ZBTB20: variants seen among roughly 807,000 people sequenced by gnomAD.
The protein encoded by ZBTB20 is zinc finger and BTB domain-containing protein 20.
ZBTB20 carries 9 observed loss-of-function variants against 56.9 expected under a neutral mutation model. That is an observed-to-expected ratio of 0.16 (90% CI 0.10 to 0.28). ZBTB20 has a LOEUF of 0.28. Among genes scored for constraint, ZBTB20 ranks in the 10% least tolerant of loss-of-function variants. The probability of loss-of-function intolerance (pLI) is 1.00; values close to 1 mark genes in which losing one functional copy is unlikely to be tolerated. For missense variants in ZBTB20, 655 were observed against 1,003.0 expected (o/e 0.65, Z 4.69); for synonymous variants, 417 against 420.7 (o/e 0.99, Z 0.11).
chr3:115,051,461 C>T (rs906591247), intron 2 of ZBTB20, among the ~76,000 whole-genome samples: 4 of 151,988 alleles, frequency 2.6e-5, no homozygotes, highest in African/African-American at 9.7e-5. Context: ...CAAATTAAAG[C>T]TAATAGGGAC....
chr3:114,407,801 T>C (rs1019292738), intron 7 of ZBTB20, among the ~76,000 whole-genome samples: 1 of 152,106 alleles, frequency 6.6e-6, no homozygotes, highest in Non-Finnish European at 1.5e-5. Context: ...GGATAGGGAT[T>C]GTATCGAAAT....
intron 2 of ZBTB20, among the ~76,000 whole-genome samples, chr3:114,987,682 C>T (rs562919995): frequency 1.3e-5 from 2 of 152,236 alleles, no homozygotes; most frequent in South Asian, 4.1e-4. Flanking sequence ...AGCTTTCAAA[C>T]ACAGTCAAGC....
chr3:114,791,042 A>G (rs1211237352), intron 5 of ZBTB20, among the ~76,000 whole-genome samples: 1 of 152,120 alleles, frequency 6.6e-6, no homozygotes, highest in Non-Finnish European at 1.5e-5. Context: ...ATTGTAATAT[A>G]TGATATTTAT....
chr3:114,615,573 A>G (rs1056260597), intron 6 of ZBTB20, among the ~76,000 whole-genome samples: 1 of 152,194 alleles, frequency 6.6e-6, no homozygotes, highest in Non-Finnish European at 1.5e-5. Context: ...GCAAAGAAAC[A>G]AGAACTCCTG....
At chr3:114,978,234 T>G (rs2078184992) in intron 2 of ZBTB20, among the ~76,000 whole-genome samples, 1 of 149,348 alleles carries the variant, frequency 6.7e-6, no homozygotes, top group Admixed American at 6.7e-5. Flanking sequence ...GGAATGCATT[T>G]ATAAATATAT....
chr3:115,022,463 T>C (rs2080245182), intron 2 of ZBTB20, among the ~76,000 whole-genome samples: 1 of 151,072 alleles, frequency 6.6e-6, no homozygotes, highest in Non-Finnish European at 1.5e-5. Context: ...TTTGAATATT[T>C]TCACTGACAA....
chr3:114,426,337 C>CAAAAAAAAAAAAAAA (rs60778829), intron 7 of ZBTB20, among the ~76,000 whole-genome samples: 1 of 109,546 alleles, frequency 9.1e-6, no homozygotes, highest in African/African-American at 4.3e-5. Flanking sequence ...GACTCCATCT[C>CAAAAAAAAAAAAAAA]AAAAAAAAAA....
At chr3:114,758,947 T>C (rs891949560) in intron 5 of ZBTB20, 6 of 152,150 alleles carry the variant, frequency 3.9e-5, no homozygotes, top group Non-Finnish European at 7.4e-5. Context: ...ATGTACTCTG[T>C]ACCGATGCAT....
intron 5 of ZBTB20, among the ~76,000 whole-genome samples, chr3:114,742,200 T>A (rs1018898746): frequency 6.6e-6 from 1 of 152,158 alleles, no homozygotes; most frequent in Admixed American, 6.5e-5. Context: ...AAGTTTTTAA[T>A]CTTGGTGGGA....
At chr3:114,906,251 A>G (rs1174110287) in intron 3 of ZBTB20, among the ~76,000 whole-genome samples, 2 of 151,844 alleles carry the variant, frequency 1.3e-5, no homozygotes, top group Non-Finnish European at 2.9e-5. Flanking sequence ...AGAGACTATA[A>G]AAGTAGGCAG....
At chr3:115,006,009 T>C (rs980737192) in intron 2 of ZBTB20, among the ~76,000 whole-genome samples, 1 of 151,730 alleles carries the variant, frequency 6.6e-6, no homozygotes, top group Admixed American at 6.6e-5. Context: ...AATGTTTTTT[T>C]TTTCTTTTTT....
At chr3:114,731,687 CTA>C in intron 5 of ZBTB20, among the ~76,000 whole-genome samples, 2 of 151,926 alleles carry the variant, frequency 1.3e-5, no homozygotes, top group African/African-American at 4.8e-5. Context: ...CCAGCTGTAC[CTA>C]GATTAGTAAC....
intron 3 of ZBTB20, among the ~76,000 whole-genome samples, chr3:114,962,794 CTG>C (rs2077503467): frequency 6.6e-6 from 1 of 151,896 alleles, no homozygotes; most frequent in Non-Finnish European, 1.5e-5. Flanking sequence ...CTATTAATGA[CTG>C]AGAAAAAAAG....
intron 2 of ZBTB20, among the ~76,000 whole-genome samples, chr3:114,976,061 T>C (rs971295464): frequency 9.2e-5 from 14 of 152,232 alleles, no homozygotes; most frequent in Non-Finnish European, 1.9e-4. Context: ...CAAATTAAAT[T>C]GTCATTCTGC....
chr3:114,416,815 C>CT (rs1470469474), intron 7 of ZBTB20, among the ~76,000 whole-genome samples: 2 of 152,014 alleles, frequency 1.3e-5, no homozygotes, highest in African/African-American at 4.8e-5. Flanking sequence ...ATGTGGTTTA[C>CT]TTCCAAATTT....
At chr3:114,613,062 C>T (rs566964992) in intron 6 of ZBTB20, among the ~76,000 whole-genome samples, 1 of 152,270 alleles carries the variant, frequency 6.6e-6, no homozygotes, top group Non-Finnish European at 1.5e-5. Context: ...GATTAAAGCT[C>T]TAATTCCAAA....
intron 4 of ZBTB20, among the ~76,000 whole-genome samples, chr3:114,891,775 G>C (rs1265528981): frequency 6.6e-6 from 1 of 152,160 alleles, no homozygotes; most frequent in Non-Finnish European, 1.5e-5. Flanking sequence ...AGCCAGGCGT[G>C]GTGGCTCATG....
chr3:114,928,310 G>T (rs891647557), intron 3 of ZBTB20, among the ~76,000 whole-genome samples: 1 of 150,892 alleles, frequency 6.6e-6, no homozygotes, highest in African/African-American at 2.4e-5. Flanking sequence ...CAGCCTCAAG[G>T]TTCTTCAATG....
chr3:114,588,656 A>AT (rs1166553059), intron 6 of ZBTB20, among the ~76,000 whole-genome samples: 2 of 152,156 alleles, frequency 1.3e-5, no homozygotes, highest in Non-Finnish European at 2.9e-5. Context: ...GGGCAAAAAT[A>AT]TGGTAAAGAA....
Sources: gnomAD v4.1 joint callset for allele counts (sites outside exome capture counted in the v4.1 genomes callset) on GRCh38, gnomAD v4.1.1 for gene constraint, MANE v1.5 for transcripts, NCBI Gene and HGNC (gene_info 2026-07-23, HGNC 2026-07-21) for gene names.